ANO2: variants seen among roughly 807,000 people sequenced by gnomAD.
The protein encoded by ANO2 is anoctamin-2.
Under a neutral mutation model 124.2 loss-of-function variants are expected in ANO2, and 101 were observed. That is an observed-to-expected ratio of 0.81 (90% CI 0.69 to 0.96). The LOEUF (loss-of-function observed/expected upper bound fraction) is 0.96, where lower values mean the gene tolerates loss of function less well. ANO2 is among the 40% of genes least tolerant of loss of function. The pLI is 0.00. For missense variants in ANO2, 1,293 were observed against 1,274.5 expected, an observed-to-expected ratio of 1.01 and a Z score of -0.22; for synonymous variants, 486 against 482.5, an observed-to-expected ratio of 1.01 and a Z score of -0.09.
chr12:5,915,705 T>C (rs2136296844), intron 3 of ANO2, among the ~76,000 whole-genome samples: 1 of 152,272 alleles, frequency 6.6e-6, no homozygotes, highest in Non-Finnish European at 1.5e-5. Context: ...AAGCCCCCAT[T>C]CCAGGCTGCT....
chr12:5,611,095 C>T (rs1318252403), intron 19 of ANO2, among the ~76,000 whole-genome samples: 1 of 151,200 alleles, frequency 6.6e-6, no homozygotes, highest in Non-Finnish European at 1.5e-5. Context: ...CTCAGCCTCC[C>T]AAGTAGCTGG....
chr12:5,658,915 GCAT>G lies in ANO2; in HGVS notation c.1546-11117_1546-11115del, dbSNP rs1319543761. ...ATTAAAATCATCATCAGCAACAGCA[GCAT>G]CATCATCATCATTGCTTTATCCACC... On this transcript the variant is annotated intron_variant, in intron 14 of 24. Transcript: ENST00000682330. The surrounding 1 kb of genome is among the most constrained non-coding windows in gnomAD (Gnocchi z 4.3). Among the ~76,000 whole-genome samples the G allele has an allele frequency of 6.6e-6, 1 of 152,044 alleles. No individual in the cohort carries two copies. The highest frequency in any genetic ancestry group is 1.5e-5 in the Non-Finnish European group (1 of 68,016).
At chr12:5,938,538 GGGCCA>G (rs1346666408) in intron 1 of ANO2, among the ~76,000 whole-genome samples, 1 of 152,140 alleles carries the variant, frequency 6.6e-6, no homozygotes, top group Non-Finnish European at 1.5e-5. Context: ...GATAAGCTAA[GGGCCA>G]GGCATGGTGG....
chr12:5,852,830 C>G (rs1394092231), intron 4 of ANO2, among the ~76,000 whole-genome samples: 5 of 138,334 alleles, frequency 3.6e-5, no homozygotes, highest in Admixed American at 3.0e-4. Context: ...ATGTATACAA[C>G]TACACTATGG....
chr12:5,886,146 A>C (rs1458119636), intron 3 of ANO2, among the ~76,000 whole-genome samples: 2 of 152,244 alleles, frequency 1.3e-5, no homozygotes, highest in Non-Finnish European at 2.9e-5. Context: ...AAAAGCAGAG[A>C]GGAAAAGTAG....
At chr12:5,706,423 G>T (rs1949612374) in intron 14 of ANO2, among the ~76,000 whole-genome samples, 1 of 151,792 alleles carries the variant, frequency 6.6e-6, no homozygotes, top group Non-Finnish European at 1.5e-5. Flanking sequence ...GAATATACCT[G>T]CCCCGGGGCC....
At chr12:5,817,765 T>C (rs892680858) in intron 7 of ANO2, among the ~76,000 whole-genome samples, 1 of 152,094 alleles carries the variant, frequency 6.6e-6, no homozygotes, top group Non-Finnish European at 1.5e-5. Context: ...GTGGTATCCA[T>C]CCAGCAACTG....
At chr12:5,809,152 G>A (rs1164971694) in intron 7 of ANO2, among the ~76,000 whole-genome samples, 2 of 152,136 alleles carry the variant, frequency 1.3e-5, no homozygotes, top group Non-Finnish European at 2.9e-5. Flanking sequence ...TGGGGGAAGG[G>A]TGCCTGGAGG....
At chr12:5,939,604 G>A (rs1942813439) in intron 1 of ANO2, among the ~76,000 whole-genome samples, 1 of 152,212 alleles carries the variant, frequency 6.6e-6, no homozygotes, top group Non-Finnish European at 1.5e-5. Context: ...AGTGGACTGG[G>A]TTAACGCTCT....
At position 5,780,526 on chromosome 12, in the gene ANO2, C is replaced by G. The variant is rs143263360; in HGVS notation, c.1055+18981G>C. On this transcript the variant is annotated intron_variant, in intron 10 of 24. Coordinates refer to ENST00000682330, the MANE Select transcript of ANO2 (RefSeq NM_001364791.2). ...ATCACAGAAGAAAACAGAGAAACTT[C>G]CATTAGCACATCCTAGCTCTTAACA... 4.0e-3 allele frequency among the ~76,000 whole-genome samples: 612 copies of G among 152,318 alleles called. 5 individuals carry two copies. Among genetic ancestry groups the G allele is most frequent in the African/African-American group, 0.014 (594 of 41,566 alleles).
intron 14 of ANO2, among the ~76,000 whole-genome samples, chr12:5,696,382 A>G (rs530973395): frequency 2.0e-5 from 3 of 152,334 alleles, no homozygotes; most frequent in South Asian, 4.1e-4. Context: ...TTTCATACCA[A>G]TAACTTGAAA....
At chr12:5,866,824 C>T (rs73257235) in intron 3 of ANO2, among the ~76,000 whole-genome samples, 2,540 of 152,314 alleles carry the variant, frequency 0.017, 69 homozygotes, top group African/African-American at 0.054. Flanking sequence ...CACCCAGGTT[C>T]GTTATATTTT....
chr12:5,804,402 C>T (rs1953130030), intron 9 of ANO2, among the ~76,000 whole-genome samples: 1 of 152,182 alleles, frequency 6.6e-6, no homozygotes, highest in Non-Finnish European at 1.5e-5. Flanking sequence ...TAAAACCAGT[C>T]TTCTCTCCTG....
chr12:5,865,440 A>G (rs1384329004), intron 3 of ANO2, among the ~76,000 whole-genome samples: 2 of 151,980 alleles, frequency 1.3e-5, no homozygotes, highest in Non-Finnish European at 2.9e-5. Context: ...AATTCACACC[A>G]TCATGCCACC....
rs546929145 is a variant in ANO2, at chr12:5,702,564, C to T, written c.1545+29956G>A. 1.1e-4 allele frequency among the ~76,000 whole-genome samples: 8 copies of T among 75,188 alleles called. No homozygotes were observed. The South Asian group carries it at 3.0e-3, about 28-fold the overall frequency. 49.3% of individuals were successfully genotyped at this position (75,188 alleles called of 152,430 possible). ...AAAATGCTCATTCTTACTGGCAACC[C>T]AAAAAATGCAAAAAAAAAAAAAGAC... is the stretch of plus-strand genomic sequence containing the variant. On this transcript the variant is annotated intron_variant, in intron 14 of 24. Transcript: ENST00000682330.
chr12:5,666,390 G>A (rs251773), intron 14 of ANO2, among the ~76,000 whole-genome samples: 42,002 of 152,010 alleles, frequency 0.28, 6,215 homozygotes, highest in African/African-American at 0.36. Flanking sequence ...TCCCAAAGGG[G>A]GCCACCCTTG....
At chr12:5,634,318 C>T (rs1945888722) in intron 16 of ANO2, among the ~76,000 whole-genome samples, 1 of 152,104 alleles carries the variant, frequency 6.6e-6, no homozygotes, top group Admixed American at 6.5e-5. Context: ...GGTGGTTATC[C>T]TATCAAGGGT....
chr12:5,705,168 T>C (rs1304111225), intron 14 of ANO2, among the ~76,000 whole-genome samples: 1 of 152,222 alleles, frequency 6.6e-6, no homozygotes, highest in African/African-American at 2.4e-5. Flanking sequence ...CATGATAACA[T>C]TGTCTTTTAG....
intron 14 of ANO2, among the ~76,000 whole-genome samples, chr12:5,698,850 T>C (rs183631558): frequency 6.6e-6 from 1 of 152,242 alleles, no homozygotes; most frequent in Admixed American, 6.5e-5. Flanking sequence ...GTATCAGTGA[T>C]TGAAGATCAA....
Sources: gnomAD v4.1 joint callset for allele counts (sites outside exome capture counted in the v4.1 genomes callset) on GRCh38, gnomAD v4.1.1 for gene constraint, Gnocchi (gnomAD v3.1) non-coding constraint, MANE v1.5 for transcripts, NCBI Gene and HGNC (gene_info 2026-07-23, HGNC 2026-07-21) for gene names.